Variants in TDRD6 observed in about 807,000 individuals in gnomAD.
TDRD6 encodes tudor domain-containing protein 6.
In TDRD6, 186 loss-of-function variants were observed where a neutral mutation model predicts 157.5. The observed-to-expected ratio is 1.18, with a 90% CI of 1.05 to 1.33. The LOEUF is 1.33. TDRD6 is among the 40% of genes most tolerant of loss of function. TDRD6 has a pLI of 0.00. For synonymous variants in TDRD6, 1,075 were observed against 945.2 expected (o/e 1.14, Z -2.52); for missense variants, 3,066 against 2,508.0 (o/e 1.22, Z -4.75).
At chr6:46,699,651 A>C (rs1036631352) in intron 3 of TDRD6, among the ~76,000 whole-genome samples, 7 of 152,068 alleles carry the variant, frequency 4.6e-5, no homozygotes, top group Admixed American at 4.6e-4. Flanking sequence ...GATCAAAATC[A>C]GGAGACAAAG....
rs200298468 is a variant in TDRD6, at chr6:46,697,984, G to C, written c.6172-14G>C. Reference sequence around the variant, plus strand: ...TGAATTGGACACTTTAAAAAAATTTGTTTTCTCCTGTAGGTTTTGAACCTT... The same window carrying C: ...TGAATTGGACACTTTAAAAAAATTTCTTTTCTCCTGTAGGTTTTGAACCTT... On this transcript the variant is annotated splice_polypyrimidine_tract_variant and intron_variant, in intron 2 of 3. Transcript: ENST00000316081. 2.7e-4 allele frequency: 416 copies of C among 1,554,582 alleles called. 2 individuals carry two copies. The African/African-American group carries it at 4.5e-3, about 17-fold the overall frequency.
the TDRD6 span, among the ~76,000 whole-genome samples, chr6:46,680,952 C>CT: frequency 6.6e-6 from 1 of 152,206 alleles, no homozygotes; most frequent in African/African-American, 2.4e-5. Flanking sequence ...TCAGTACCCC[C>CT]TTTCTCCCAC....
chr6:46,699,254 T>A (rs1764566640), intron 3 of TDRD6, among the ~76,000 whole-genome samples: 1 of 152,162 alleles, frequency 6.6e-6, no homozygotes, highest in Non-Finnish European at 1.5e-5. Context: ...CAGCCTCTGC[T>A]CCACCACACA....
rs1240948768 is a variant in TDRD6 at position 46,691,586 on chromosome 6, A to G, written c.3458A>G (p.Asn1153Ser). Residue 1153 changes from asparagine to serine, a missense_variant, in exon 1 of 4, where the codon AAT (asparagine) becomes AGT (serine). Asn to Ser is a conservative substitution (Grantham distance 46). Coordinates refer to ENST00000316081, the MANE Select transcript of TDRD6 (RefSeq NM_001010870.3). ...GDNIQISASI[N>S]KKLGLLSYKD... ...AATATTCAAATTAGTGCTAGTATTA[A>G]TAAGAAGTTGGGGCTACTTAGTTAC... 1 of 1,613,550 alleles carries G rather than the reference A, an allele frequency of 6.2e-7. No homozygotes were observed. The highest frequency in any genetic ancestry group is 8.5e-7 in the Non-Finnish European group (1 of 1,179,734).
the TDRD6 span, among the ~76,000 whole-genome samples, chr6:46,682,263 A>G: frequency 6.6e-6 from 1 of 152,034 alleles, no homozygotes; most frequent in African/African-American, 2.4e-5. Context: ...ACATATATCA[A>G]CAGAATGTGA....
Position 46,689,278 on chromosome 6 carries a change from G to T in TDRD6, c.1150G>T (p.Gly384Cys). The T allele has an allele frequency of 6.2e-7, 1 of 1,614,158 alleles. No homozygotes were observed. Among genetic ancestry groups the T allele is most frequent in the Non-Finnish European group, 8.5e-7 (1 of 1,180,028 alleles). The part of the protein sequence containing the change: ...YPCALYGLWD[G>C]GRGWSRSQVG... ...TTGTGCTTTGTATGGACTCTGGGAC[G>T]GTGGGAGAGGCTGGTCTCGGTCACA... The change falls in exon 1 of 4, where the codon GGT becomes TGT. Residue 384 changes from glycine (G) to cysteine (C), a missense_variant. Physicochemically the swap from Gly to Cys is radical, Grantham distance 159. Transcript: ENST00000316081.
chr6:46,695,376 A>G (rs1429870110), intron 1 of TDRD6, among the ~76,000 whole-genome samples: 7 of 152,166 alleles, frequency 4.6e-5, no homozygotes, highest in Admixed American at 2.6e-4. Context: ...TGGGTAACAC[A>G]TAAGTTATTT....
chr6:46,691,980 A>G lies in TDRD6; in HGVS notation c.3852A>G (p.Ser1284=), dbSNP rs138496704. 4.1e-4 allele frequency: 669 copies of G among 1,613,914 alleles called. 2 individuals carry two copies. The East Asian group carries it at 0.01, about 25-fold the overall frequency. ...ATLSERKIGD[S]CDKDLPLKFC... is the part of the protein sequence containing the mutation. ...TTTCAGAGAGAAAAATAGGAGATTC[A>G]TGTGACAAAGATTTGCCTCTGAAAT... Residue 1284 remains serine (S), a synonymous_variant, in exon 1 of 4, where the codon TCA becomes TCG. Transcript: ENST00000316081.
At chr6:46,685,808 C>A (rs1764078414), upstream of TDRD6, among the ~76,000 whole-genome samples, 1 of 151,926 alleles carries the variant, frequency 6.6e-6, no homozygotes, top group South Asian at 2.1e-4. Context: ...TTTCCGAAAC[C>A]AAGGGCCTCT....
Position 46,693,465 on chromosome 6 carries a change from G to T in TDRD6, c.5337G>T (p.Gly1779=). ...RDPKTDNICE[G]FENPCKDKID... Reference sequence around the variant, plus strand: ...CTAAAACTGATAACATTTGTGAAGGGTTTGAAAACCCCTGCAAAGATAAAA... The same window carrying T: ...CTAAAACTGATAACATTTGTGAAGGTTTTGAAAACCCCTGCAAAGATAAAA... Residue 1779 remains glycine, a synonymous_variant, in exon 1 of 4, where the codon GGG becomes GGT. Coordinates refer to ENST00000316081, the MANE Select transcript of TDRD6 (RefSeq NM_001010870.3). 1.2e-6 allele frequency: 2 copies of T among 1,614,026 alleles called. No homozygotes were observed. Among genetic ancestry groups the T allele is most frequent in the African/African-American group, 1.3e-5 (1 of 75,010 alleles).
chr6:46,690,453 A>C lies in TDRD6; in HGVS notation c.2325A>C (p.Glu775Asp). The part of the protein sequence containing the change: ...KGELEVGSTV[E>D]VRVSYVENPG... ...AGCTGGAAGTTGGAAGTACAGTAGA[A>C]GTCAGAGTGTCTTATGTTGAAAACC... Residue 775 changes from glutamate (E) to aspartate (D), a missense_variant, in exon 1 of 4, where the codon GAA becomes GAC. Physicochemically the swap from Glu to Asp is conservative, Grantham distance 45. Transcript: ENST00000316081. 4.3e-6 allele frequency: 7 copies of C among 1,614,174 alleles called. No individual in the cohort carries two copies. The highest frequency in any genetic ancestry group is 5.9e-6 in the Non-Finnish European group (7 of 1,180,026).
the TDRD6 span, among the ~76,000 whole-genome samples, chr6:46,682,789 TG>T: frequency 1.8e-4 from 28 of 152,068 alleles, no homozygotes; most frequent in East Asian, 5.0e-3. Context: ...GTACAAGATT[TG>T]TTCACTGAAA....
Position 46,701,958 on chromosome 6 carries a change from C to A in TDRD6, c.*71C>A. On this transcript the variant is annotated 3_prime_UTR_variant, in exon 4 of 4. Transcript: ENST00000316081. ...ACAAGTGGCATCTTACGCAGACCAA[C>A]AGAGTATTTGAGAAAATTGAAAACA... The A allele has an allele frequency of 6.5e-7, 1 of 1,532,154 alleles. No homozygotes were observed. The highest frequency in any genetic ancestry group is 8.9e-7 in the Non-Finnish European group (1 of 1,117,664). The allele number at this position is 1,532,154 out of a possible 1,614,324, so 94.9% of individuals were successfully genotyped here. A position where few individuals can be genotyped will look rare whatever the true frequency, so the allele number is the denominator to read the frequency against.
chr6:46,690,052 GTTA>G lies in TDRD6; in HGVS notation c.1927_1929del (p.Ile643del), dbSNP rs1562054100. ...TCTTGATAAACAGGATCATCAATAT[GTTA>G]TTGAGATTCTTGACGAATCAAGAAC... On this transcript the variant is annotated inframe_deletion, in exon 1 of 4. Transcript: ENST00000316081. The G allele has an allele frequency of 6.2e-7, 1 of 1,614,028 alleles. No individual in the cohort carries two copies. Among genetic ancestry groups the G allele is most frequent in the Non-Finnish European group, 8.5e-7 (1 of 1,179,998 alleles).
chr6:46,696,080 T>C (rs1764487846), intron 2 of TDRD6, 135 bp downstream of exon 2: 1 of 906,868 alleles, frequency 1.1e-6, no homozygotes, highest in Non-Finnish European at 1.6e-6. Context: ...CTTGATGTAA[T>C]GCACATATAT....
rs1325173913 is a variant in TDRD6 at position 46,692,761 on chromosome 6, C to A, written c.4633C>A (p.Gln1545Lys). 1.2e-6 allele frequency: 2 copies of A among 1,614,024 alleles called. No homozygotes were observed. The highest frequency in any genetic ancestry group is 2.7e-5 in the African/African-American group (2 of 74,908). The change falls in exon 1 of 4, where the codon CAG (glutamine) becomes AAG (lysine). Residue 1545 changes from glutamine (Q) to lysine (K), a missense_variant. Physicochemically the swap from Gln to Lys is moderately conservative, Grantham distance 53. Coordinates refer to ENST00000316081, the MANE Select transcript of TDRD6 (RefSeq NM_001010870.3). ...WCQFADTEKL[Q>K]CLEVEVQTAG... The stretch of plus-strand genomic sequence containing the variant: ...TCAGTTTGCTGATACGGAGAAACTT[C>A]AGTGTTTAGAAGTAGAAGTACAGAC...
chr6:46,689,531 A>T lies in TDRD6; in HGVS notation c.1403A>T (p.Glu468Val). 6.2e-7 allele frequency: 1 copy of T among 1,614,126 alleles called. No homozygotes were observed. Among genetic ancestry groups the T allele is most frequent in the Non-Finnish European group, 8.5e-7 (1 of 1,180,030 alleles). ...TCTCAGTCTCAGTCTCCTGCTGAAG[A>T]AGTAGATGAAGAGATTTCACTCCCA... is the stretch of plus-strand genomic sequence containing the variant. The part of the protein sequence containing the change: ...ETSQSQSPAE[E>V]VDEEISLPAL... Residue 468 changes from glutamate (E) to valine (V), a missense_variant, in exon 1 of 4, where the codon GAA (glutamate) becomes GTA (valine). By Grantham distance (121) the Glu-to-Val change is moderately radical (BLOSUM62 -2). Transcript: ENST00000316081.
rs61121716 is a variant in TDRD6 at position 46,692,764 on chromosome 6, T to C, written c.4636T>C (p.Cys1546Arg). The change falls in exon 1 of 4, where the codon TGT (cysteine) becomes CGT (arginine). Residue 1546 changes from cysteine to arginine, a missense_variant. Physicochemically the swap from Cys to Arg is radical, Grantham distance 180. Coordinates refer to ENST00000316081, the MANE Select transcript of TDRD6 (RefSeq NM_001010870.3). ...GTTTGCTGATACGGAGAAACTTCAG[T>C]GTTTAGAAGTAGAAGTACAGACTGC... is the stretch of plus-strand genomic sequence containing the variant. Reference protein sequence around the residue: ...CQFADTEKLQCLEVEVQTAGE... With the variant: ...CQFADTEKLQRLEVEVQTAGE... 875 of 1,614,148 alleles carry C rather than the reference T, an allele frequency of 5.4e-4. 8 individuals carry two copies. The African/African-American group carries it at 8.7e-3, about 16-fold the overall frequency.
rs142686920 is a variant in TDRD6, at chr6:46,690,985, G to C, written c.2857G>C (p.Glu953Gln). Residue 953 changes from glutamate to glutamine, a missense_variant, in exon 1 of 4, where the codon GAA (glutamate) becomes CAA (glutamine). By Grantham distance (29) the Glu-to-Gln change is conservative. Transcript: ENST00000316081. ...PFQSACHFLV[E>Q]KRLARPVKLQ... ...TCAGAGTGCATGCCATTTCTTGGTAGAAAAGAGACTTGCAAGACCAGTAAA... is the reference window on the plus strand; with the variant it reads ...TCAGAGTGCATGCCATTTCTTGGTACAAAAGAGACTTGCAAGACCAGTAAA... The C allele has an allele frequency of 5.7e-5, 92 of 1,614,096 alleles. No individual in the cohort carries two copies. The African/African-American group carries it at 9.7e-4, about 17-fold the overall frequency.
Sources: gnomAD v4.1 joint callset for allele counts (sites outside exome capture counted in the v4.1 genomes callset) on GRCh38, gnomAD v4.1.1 for gene constraint, MANE v1.5 for transcripts, NCBI Gene and HGNC (gene_info 2026-07-23, HGNC 2026-07-21) for gene names.